Variants in ZNF727 observed in about 807,000 individuals in gnomAD.
ZNF727 encodes zinc finger protein 727.
In ZNF727, 11 loss-of-function variants were observed where a neutral mutation model predicts 11.5. The ratio of observed to expected loss-of-function variants is 0.95; its 90% CI spans 0.60 to 1.58. ZNF727 has a LOEUF of 1.58. Among genes scored for constraint, ZNF727 ranks in the 40% most tolerant of loss-of-function variants. The pLI, the probability that ZNF727 is intolerant of heterozygous loss-of-function variation, is 0.00. For missense variants in ZNF727, 533 were observed against 581.7 expected, an observed-to-expected ratio of 0.92 and a Z score of 0.86; for synonymous variants, 171 against 196.1, an observed-to-expected ratio of 0.87 and a Z score of 1.07.
At chr7:64,077,036 A>G (rs1330049431) in intron 3 of ZNF727, among the ~76,000 whole-genome samples, 3 of 152,130 alleles carry the variant, frequency 2.0e-5, no homozygotes, top group African/African-American at 7.2e-5. Context: ...TTACACTTCT[A>G]TGTGGTTCTT....
At chr7:64,072,754 A>G (rs556454673) in intron 3 of ZNF727, among the ~76,000 whole-genome samples, 6 of 152,100 alleles carry the variant, frequency 3.9e-5, no homozygotes, top group Admixed American at 2.6e-4. Flanking sequence ...TGTAGCTAAG[A>G]CCAAGCATTT....
intron 3 of ZNF727, among the ~76,000 whole-genome samples, chr7:64,075,772 A>T (rs7807146): frequency 0.62 from 94,349 of 151,954 alleles, 30,002 homozygotes; most frequent in Non-Finnish European, 0.68. Context: ...AAAGCTACCT[A>T]TGGGGTACTG....
chr7:64,055,354 G>A (rs1789666508), intron 1 of ZNF727, among the ~76,000 whole-genome samples: 1 of 151,584 alleles, frequency 6.6e-6, no homozygotes, highest in East Asian at 1.9e-4. Flanking sequence ...GGAGCCAGAG[G>A]TTGCAGTGAG....
chr7:64,057,433 A>G (rs1055193381), intron 1 of ZNF727, among the ~76,000 whole-genome samples: 1 of 152,180 alleles, frequency 6.6e-6, no homozygotes, highest in African/African-American at 2.4e-5. Flanking sequence ...GGAAGCTGCT[A>G]TTCTCAGCAA....
intron 3 of ZNF727, among the ~76,000 whole-genome samples, chr7:64,074,158 A>G (rs1214504495): frequency 3.9e-5 from 6 of 152,264 alleles, no homozygotes; most frequent in Admixed American, 3.9e-4. Context: ...AATAGTTTAC[A>G]CTCAGAATGA....
chr7:64,069,711 A>G, intron 3 of ZNF727, 102 bp downstream of exon 3: 1 of 933,522 alleles, frequency 1.1e-6, no homozygotes. Flanking sequence ...GCTCCAGTGG[A>G]AATCGTTTCT....
intron 1 of ZNF727, among the ~76,000 whole-genome samples, chr7:64,055,959 A>G (rs1355620177): frequency 1.3e-5 from 2 of 152,120 alleles, no homozygotes; most frequent in African/African-American, 4.8e-5. Flanking sequence ...AAATGTCCAC[A>G]TTGTTTTTAT....
intron 3 of ZNF727, among the ~76,000 whole-genome samples, chr7:64,071,733 C>T (rs1196820170): frequency 6.6e-6 from 1 of 151,942 alleles, no homozygotes; most frequent in East Asian, 1.9e-4. Flanking sequence ...TCATAGAGTC[C>T]TTATTTTATA....
intron 3 of ZNF727, among the ~76,000 whole-genome samples, chr7:64,070,464 A>G (rs1310037362): frequency 1.3e-5 from 2 of 151,974 alleles, no homozygotes; most frequent in East Asian, 3.9e-4. Flanking sequence ...GTATATATGA[A>G]TGTGTATGAC....
At chr7:64,069,676 C>A in intron 3 of ZNF727, 67 bp downstream of exon 3, 1 of 1,223,324 alleles carries the variant, frequency 8.2e-7, no homozygotes, top group Non-Finnish European at 1.2e-6. Context: ...GAAGCCAGAC[C>A]TTGAAACATG....
rs1674099263 is a variant in ZNF727 at position 64,083,379 on chromosome 7, T to C, written c.*4830T>C. ...GTTGGCTGGAATTTTAAGCCAGTAG[T>C]TCTTACCCTGTGGGGCACTGTGGAA... On this transcript the variant is annotated 3_prime_UTR_variant, in exon 4 of 4. Coordinates refer to ENST00000456806, the MANE Select transcript of ZNF727 (RefSeq NM_001159522.3). Among the ~76,000 whole-genome samples, 1 of 152,232 alleles carries C rather than the reference T, an allele frequency of 6.6e-6. No individual in the cohort carries two copies. Among genetic ancestry groups the C allele is most frequent in the Admixed American group, 6.5e-5 (1 of 15,280 alleles).
At chr7:64,064,443 A>C (rs932186833) in intron 1 of ZNF727, among the ~76,000 whole-genome samples, 1 of 152,168 alleles carries the variant, frequency 6.6e-6, no homozygotes, top group Non-Finnish European at 1.5e-5. Context: ...GTTGTATTCT[A>C]CTGTGGCTGA....
chr7:64,063,162 A>T (rs1789803032), intron 1 of ZNF727, among the ~76,000 whole-genome samples: 1 of 151,934 alleles, frequency 6.6e-6, no homozygotes, highest in Non-Finnish European at 1.5e-5. Flanking sequence ...GAATAGTCTT[A>T]ATTTTTGTGG....
chr7:64,045,480 T>C lies in ZNF727; in HGVS notation c.-142T>C, dbSNP rs1789485895. 1 of 1,181,074 alleles carries C rather than the reference T, an allele frequency of 8.5e-7. No homozygotes were observed. The highest frequency in any genetic ancestry group is 1.2e-6 in the Non-Finnish European group (1 of 810,922). The allele number at this position is 1,181,074 out of a possible 1,614,324, so 73.2% of individuals were successfully genotyped here. On this transcript the variant is annotated 5_prime_UTR_variant, in exon 1 of 4. Coordinates refer to ENST00000456806, the MANE Select transcript of ZNF727 (RefSeq NM_001159522.3). ...CCTTCGTCTCCTAGCTTCTAGGCTC[T>C]GAGTCCAGTACCCGTCTGTACTATT...
At chr7:64,060,212 C>A (rs1789748865) in intron 1 of ZNF727, among the ~76,000 whole-genome samples, 1 of 152,140 alleles carries the variant, frequency 6.6e-6, no homozygotes, top group Non-Finnish European at 1.5e-5. Context: ...GAGCAGATTG[C>A]CTATGATGCA....
Position 64,082,851 on chromosome 7 carries a change from C to T in ZNF727, c.*4302C>T, listed in dbSNP as rs1481924196. ...GAGCGGAGATTGTGCCACTGCACTC[C>T]AGCCTGGTGAGAGAGCGAGACTCCG... On this transcript the variant is annotated 3_prime_UTR_variant, in exon 4 of 4. Coordinates refer to ENST00000456806, the MANE Select transcript of ZNF727 (RefSeq NM_001159522.3). Among the ~76,000 whole-genome samples the T allele has an allele frequency of 6.6e-6, 1 of 150,610 alleles. No individual in the cohort carries two copies. Among genetic ancestry groups the T allele is most frequent in the East Asian group, 2.0e-4 (1 of 5,116 alleles).
chr7:64,081,125 G>A lies in ZNF727; in HGVS notation c.*2576G>A, dbSNP rs1281395136. ...GGATATGGGGTTTCTGCCTGTCTTT[G>A]GGTATTCACTTCAGTGGCAGGAGCA... On this transcript the variant is annotated 3_prime_UTR_variant, in exon 4 of 4. Coordinates refer to ENST00000456806, the MANE Select transcript of ZNF727 (RefSeq NM_001159522.3). Among the ~76,000 whole-genome samples, 1 of 152,022 alleles carries A rather than the reference G, an allele frequency of 6.6e-6. No homozygotes were observed. The highest frequency in any genetic ancestry group is 2.1e-4 in the South Asian group (1 of 4,810).
Position 64,049,782 on chromosome 7 carries a change from T to A in ZNF727, c.3+4158T>A, listed in dbSNP as rs182412254. Among the ~76,000 whole-genome samples the A allele has an allele frequency of 2.4e-3, 361 of 151,544 alleles. 1 individual carries two copies. The highest frequency in any genetic ancestry group is 7.9e-3 in the African/African-American group (328 of 41,556). ...TCTTATTTAGAGATAATCTAGATGT[T>A]TAATGAATAGCCATTATTTAATGTA... On this transcript the variant is annotated intron_variant, in intron 1 of 3. Transcript: ENST00000456806.
At chr7:64,050,481 G>A (rs1789576432) in intron 1 of ZNF727, among the ~76,000 whole-genome samples, 1 of 152,180 alleles carries the variant, frequency 6.6e-6, no homozygotes, top group Non-Finnish European at 1.5e-5. Context: ...CAGGCTGCTA[G>A]AAGTTTCCTT....
Sources: allele counts gnomAD v4.1 joint callset (sites outside exome capture counted in the v4.1 genomes callset), GRCh38; gene constraint gnomAD v4.1.1; transcripts MANE v1.5; gene names NCBI Gene and HGNC (gene_info 2026-07-23, HGNC 2026-07-21).